Variants in GNA13 observed in about 807,000 individuals in gnomAD.
GNA13 encodes guanine nucleotide-binding protein subunit alpha-13.
A neutral mutation model predicts 33.5 loss-of-function variants in GNA13; 4 were observed. The observed-to-expected ratio is 0.12, with a 90% CI of 0.06 to 0.27. The LOEUF (loss-of-function observed/expected upper bound fraction) is 0.27. Ranked by LOEUF, GNA13 falls within the 10% of genes least tolerant of loss-of-function variation. The pLI is 1.00. For missense variants in GNA13, 319 were observed against 487.2 expected (o/e 0.65, Z 3.25); for synonymous variants, 176 against 183.8 (o/e 0.96, Z 0.34).
At chr17:65,052,020 A>G (rs911562280) in intron 2 of GNA13, 16 of 152,262 alleles carry the variant, frequency 1.1e-4, no homozygotes, top group African/African-American at 3.4e-4. Flanking sequence ...ACTTTCCTGG[A>G]ACTTTTAAAA....
At position 65,011,844 on chromosome 17, in the gene GNA13, A is replaced by G. The variant is rs1453124043; in HGVS notation, c.*2413T>C. On this transcript the variant is annotated 3_prime_UTR_variant, in exon 4 of 4. Coordinates refer to ENST00000439174, the MANE Select transcript of GNA13 (RefSeq NM_006572.6). ...CACTAAATTTCATCTCTCTCTTCATATAGTGGTATTTCAAAAGGATTCAGT... is the reference window on the plus strand; with the variant it reads ...CACTAAATTTCATCTCTCTCTTCATGTAGTGGTATTTCAAAAGGATTCAGT... 2 of 228,022 alleles carry G rather than the reference A, an allele frequency of 8.8e-6. No individual in the cohort carries two copies. The highest frequency in any genetic ancestry group is 1.1e-4 in the Admixed American group (2 of 17,656). The allele number at this position is 228,022 out of a possible 1,614,324, so 14.1% of individuals were successfully genotyped here.
At position 65,056,347 on chromosome 17, in the gene GNA13, C is replaced by G. The variant is rs1908059424; in HGVS notation, c.247G>C (p.Glu83Gln). 6.2e-7 allele frequency: 1 copy of G among 1,611,676 alleles called. No individual in the cohort carries two copies. Among genetic ancestry groups the G allele is most frequent in the South Asian group, 1.1e-5 (1 of 91,082 alleles). ...TTGCTGTAGATGGTGGGGCGGAACT[C>G]CTCGCGCGCGCGCTGGTCGAAGTCC... The part of the protein sequence containing the change: ...GQDFDQRARE[E>Q]FRPTIYSNVI... Residue 83 changes from glutamate (E) to glutamine (Q), a missense_variant, in exon 1 of 4, where the codon GAG (glutamate) becomes CAG (glutamine). Physicochemically the swap from Glu to Gln is conservative, Grantham distance 29. Around this residue, in one of 4 missense-constraint regions of GNA13, gnomAD observed 136 missense variants for 159.3 expected, o/e 0.85. Coordinates refer to ENST00000439174, the MANE Select transcript of GNA13 (RefSeq NM_006572.6).
chr17:65,023,065 G>A (rs1368362823), intron 2 of GNA13, among the ~76,000 whole-genome samples: 2 of 152,230 alleles, frequency 1.3e-5, no homozygotes, highest in African/African-American at 4.8e-5. Flanking sequence ...AACAGTCCAT[G>A]TGGAAGAGCT....
At position 65,012,727 on chromosome 17, in the gene GNA13, CA is replaced by C; in HGVS notation, c.*1529del. On this transcript the variant is annotated 3_prime_UTR_variant, in exon 4 of 4. Coordinates refer to ENST00000439174, the MANE Select transcript of GNA13 (RefSeq NM_006572.6). ...GGGTGATCCATAACGACCAATCTTT[CA>C]AGGACCAATAAAATACCTGAGTACA... 1 of 226,330 alleles carries C rather than the reference CA, an allele frequency of 4.4e-6. No individual in the cohort carries two copies. The highest frequency in any genetic ancestry group is 6.4e-5 in the East Asian group (1 of 15,742). 14.0% of individuals were successfully genotyped at this position (226,330 alleles called of 1,614,324 possible).
At chr17:65,047,718 G>C (rs1164437367) in intron 2 of GNA13, among the ~76,000 whole-genome samples, 1 of 150,872 alleles carries the variant, frequency 6.6e-6, no homozygotes, top group South Asian at 2.1e-4. Context: ...CATTGGACTT[G>C]AACTCTTGAG....
At chr17:65,022,520 C>T (rs1158127100) in intron 2 of GNA13, among the ~76,000 whole-genome samples, 1 of 151,940 alleles carries the variant, frequency 6.6e-6, no homozygotes, top group Non-Finnish European at 1.5e-5. Flanking sequence ...CATGGTAAAG[C>T]ATTATTTATT....
intron 2 of GNA13, among the ~76,000 whole-genome samples, chr17:65,037,337 G>A (rs1359797710): frequency 6.6e-6 from 1 of 152,124 alleles, no homozygotes; most frequent in Admixed American, 6.5e-5. Flanking sequence ...GACTTCAACT[G>A]AATCTTCTCC....
chr17:65,021,795 T>A (rs1906591341), intron 2 of GNA13, among the ~76,000 whole-genome samples: 1 of 152,232 alleles, frequency 6.6e-6, no homozygotes, highest in Non-Finnish European at 1.5e-5. Context: ...GCCTTAAGAA[T>A]ATAACATAAG....
At chr17:65,046,605 C>T (rs907500265) in intron 2 of GNA13, among the ~76,000 whole-genome samples, 1 of 152,178 alleles carries the variant, frequency 6.6e-6, no homozygotes, top group Non-Finnish European at 1.5e-5. Flanking sequence ...GATACCCCAA[C>T]TTGGTTGGCT....
At chr17:65,021,755 T>TA (rs1906590045) in intron 2 of GNA13, among the ~76,000 whole-genome samples, 1 of 152,088 alleles carries the variant, frequency 6.6e-6, no homozygotes, top group Non-Finnish European at 1.5e-5. Flanking sequence ...AGGTAAAGAG[T>TA]AGAGTTTTTT....
chr17:65,027,115 GA>G (rs535472115), intron 2 of GNA13, among the ~76,000 whole-genome samples: 407 of 152,196 alleles, frequency 2.7e-3, no homozygotes, highest in African/African-American at 9.5e-3. Context: ...ACTACTTTCT[GA>G]AGCAGAAGGA....
At chr17:65,016,359 T>C (rs1906367509) in intron 3 of GNA13, among the ~76,000 whole-genome samples, 1 of 152,166 alleles carries the variant, frequency 6.6e-6, no homozygotes, top group Non-Finnish European at 1.5e-5. Context: ...ATTAAGAATA[T>C]ATATATATAC....
chr17:65,055,448 G>C (rs1908010268), intron 1 of GNA13: 1 of 179,318 alleles, frequency 5.6e-6, no homozygotes, highest in African/African-American at 2.4e-5. Flanking sequence ...ATCTGTACAG[G>C]ATCCACATGA....
intron 2 of GNA13, among the ~76,000 whole-genome samples, chr17:65,022,718 A>AGACT: frequency 6.6e-6 from 1 of 152,382 alleles, no homozygotes; most frequent in Admixed American, 6.5e-5. Flanking sequence ...AAATGAAATG[A>AGACT]GACTGCAACC....
In GNA13 at chr17:65,014,756, T is replaced by G. The variant is rs1598477816; in HGVS notation, c.635A>C (p.Glu212Ala). 2 of 1,613,782 alleles carry G rather than the reference T, an allele frequency of 1.2e-6. No individual in the cohort carries two copies. Among genetic ancestry groups the G allele is most frequent in the East Asian group, 4.5e-5 (2 of 44,874 alleles). ...PTKGIHEYDFEIKNVPFKMVD... is the reference protein window; with the variant it reads ...PTKGIHEYDFAIKNVPFKMVD... ...CATTTTGAAAGGAACATTTTTTATT[T>G]CAAAGTCGTATTCATGGATGCCTTT... The change falls in exon 4 of 4, where the codon GAA becomes GCA. Residue 212 changes from glutamate (E) to alanine (A), a missense_variant. Physicochemically the swap from Glu to Ala is moderately radical, Grantham distance 107. Coordinates refer to ENST00000439174, the MANE Select transcript of GNA13 (RefSeq NM_006572.6). The surrounding 1 kb of genome is among the most constrained non-coding windows in gnomAD (Gnocchi z 5.3).
intron 2 of GNA13, among the ~76,000 whole-genome samples, chr17:65,043,599 A>G (rs1014462123): frequency 2.0e-5 from 3 of 152,106 alleles, no homozygotes; most frequent in African/African-American, 7.2e-5. Context: ...AATGTGGTTT[A>G]TTTTAATTTG....
chr17:65,019,624 A>G (rs542061284), intron 2 of GNA13, among the ~76,000 whole-genome samples: 1 of 152,308 alleles, frequency 6.6e-6, no homozygotes, highest in East Asian at 1.9e-4. Context: ...AATCAAAGCA[A>G]TTGAACCCAT....
chr17:65,030,910 A>G (rs1481066935), intron 2 of GNA13, among the ~76,000 whole-genome samples: 1 of 152,234 alleles, frequency 6.6e-6, no homozygotes, highest in African/African-American at 2.4e-5. Context: ...GGCTAACATC[A>G]CCTGCAAGTG....
At chr17:65,028,021 G>C (rs150201680) in intron 2 of GNA13, among the ~76,000 whole-genome samples, 2,156 of 152,224 alleles carry the variant, frequency 0.014, 51 homozygotes, top group African/African-American at 0.048. Flanking sequence ...GGCGGATCAC[G>C]AGGTCAGGAG....
Sources: allele counts gnomAD v4.1 joint callset (sites outside exome capture counted in the v4.1 genomes callset), GRCh38; gene constraint gnomAD v4.1.1; regional missense constraint gnomAD v4.1.1; non-coding constraint Gnocchi (gnomAD v3.1); transcripts MANE v1.5; gene names NCBI Gene and HGNC (gene_info 2026-07-23, HGNC 2026-07-21).